MTHFD1: variants seen among roughly 807,000 people sequenced by gnomAD.
The protein encoded by MTHFD1 is methylenetetrahydrofolate dehydrogenase, cyclohydrolase and formyltetrahydrofolate synthetase 1.
A neutral mutation model predicts 110.3 loss-of-function variants in MTHFD1; 44 were observed. The ratio of observed to expected loss-of-function variants is 0.40; its 90% confidence interval spans 0.31 to 0.51. MTHFD1 has a LOEUF of 0.51. Ranked by LOEUF, MTHFD1 falls within the 20% of genes least tolerant of loss-of-function variation. The pLI, the probability that MTHFD1 is intolerant of heterozygous loss-of-function variation, is 0.60. For missense variants in MTHFD1, 909 were observed against 1,173.1 expected, an observed-to-expected ratio of 0.77 and a Z score of 3.29; for synonymous variants, 402 against 428.8, an observed-to-expected ratio of 0.94 and a Z score of 0.77.
At chr14:64,418,443 C>A (rs2078042504) in intron 7 of MTHFD1, among the ~76,000 whole-genome samples, 1 of 85,924 alleles carries the variant, frequency 1.2e-5, no homozygotes, top group Non-Finnish European at 2.3e-5. Context: ...AGAGCAAGAC[C>A]CTGTCTCAAA....
intron 23 of MTHFD1, chr14:64,449,010 A>G: frequency 3.4e-6 from 1 of 296,338 alleles, no homozygotes; most frequent in South Asian, 3.3e-5. Flanking sequence ...CGTGTTAGCC[A>G]GGATGGTCTC....
intron 15 of MTHFD1, 97 bp from the exon 16 acceptor site, chr14:64,435,472 G>A (rs2078198995): frequency 1.3e-6 from 1 of 785,396 alleles, no homozygotes; most frequent in African/African-American, 1.7e-5. Flanking sequence ...ATTTCCTAGA[G>A]GGGATCCCAT....
chr14:64,429,330 G>T (rs1183679340), intron 12 of MTHFD1, among the ~76,000 whole-genome samples: 1 of 133,080 alleles, frequency 7.5e-6, no homozygotes, highest in East Asian at 2.1e-4. Context: ...TTGTTTGTTT[G>T]TTTTTTTTGA....
At chr14:64,432,765 T>C (rs2078170022) in intron 15 of MTHFD1, among the ~76,000 whole-genome samples, 1 of 152,214 alleles carries the variant, frequency 6.6e-6, no homozygotes, top group African/African-American at 2.4e-5. Context: ...GTTTTTTGTT[T>C]TCTTTTTTGA....
chr14:64,396,038 T>G (rs964531402), intron 1 of MTHFD1, among the ~76,000 whole-genome samples: 1 of 152,214 alleles, frequency 6.6e-6, no homozygotes, highest in African/African-American at 2.4e-5. Context: ...TTATAAACTT[T>G]CAATGAAGCA....
In MTHFD1 at chr14:64,421,741, C is replaced by T. The variant is rs533655907; in HGVS notation, c.727+1816C>T. 8.5e-5 allele frequency among the ~76,000 whole-genome samples: 13 copies of T among 152,144 alleles called. 1 individual carries two copies. Among genetic ancestry groups the T allele is most frequent in the Admixed American group, 3.3e-4 (5 of 15,282 alleles). Reference sequence around the variant, plus strand: ...CGGGTTCATGCCATTCTCCCGCCTCCGCCTCCCGAGTAGCTGGGACTACAG... The same window carrying T: ...CGGGTTCATGCCATTCTCCCGCCTCTGCCTCCCGAGTAGCTGGGACTACAG... On this transcript the variant is annotated intron_variant, in intron 8 of 27. Coordinates refer to ENST00000652337, the MANE Select transcript of MTHFD1 (RefSeq NM_005956.4).
At chr14:64,401,628 G>A (rs1229620434) in intron 2 of MTHFD1, among the ~76,000 whole-genome samples, 4 of 151,654 alleles carry the variant, frequency 2.6e-5, no homozygotes, top group Non-Finnish European at 5.9e-5. Flanking sequence ...ACTTGAACCC[G>A]GGAGGTGGAG....
At chr14:64,428,136 G>T (rs551781324) in intron 12 of MTHFD1, among the ~76,000 whole-genome samples, 2 of 132,934 alleles carry the variant, frequency 1.5e-5, no homozygotes, top group East Asian at 4.3e-4. Flanking sequence ...TTGAGACAGG[G>T]TCTCACTCAC....
Position 64,439,411 on chromosome 14 carries a change from A to G in MTHFD1, c.1674+239A>G, listed in dbSNP as rs190093048. ...TTTTTTCCTGGAGGTGGAGAGCCCC[A>G]AGTGAATATCCTTGCATAGAAATTG... On this transcript the variant is annotated intron_variant, in intron 17 of 27. Coordinates refer to ENST00000652337, the MANE Select transcript of MTHFD1 (RefSeq NM_005956.4). The G allele has an allele frequency of 4.8e-4, 275 of 568,362 alleles. 5 individuals are homozygous for G. In the East Asian group the frequency reaches 7.6e-3, roughly 16 times the overall value. 35.2% of individuals were successfully genotyped at this position (568,362 alleles called of 1,614,324 possible). A position where few individuals can be genotyped will look rare whatever the true frequency, so the allele number is the denominator to read the frequency against.
intron 1 of MTHFD1, 147 bp downstream of exon 1, chr14:64,388,615 G>A: frequency 1.3e-6 from 1 of 769,456 alleles, no homozygotes; most frequent in Non-Finnish European, 2.3e-6. Flanking sequence ...GCCAAAGAAA[G>A]AGAACCCGGG....
At chr14:64,442,955 G>GAATTCCTACTGCTTAGA (rs1466280228) in intron 21 of MTHFD1, among the ~76,000 whole-genome samples, 15 of 152,122 alleles carry the variant, frequency 9.9e-5, no homozygotes, top group Non-Finnish European at 1.8e-4. Flanking sequence ...GTATTTCTCT[G>GAATTCCTACTGCTTAGA]AATTCCTACT....
At chr14:64,431,071 TTTTTC>T (rs1210135619) in intron 13 of MTHFD1, among the ~76,000 whole-genome samples, 10 of 147,852 alleles carry the variant, frequency 6.8e-5, no homozygotes, top group African/African-American at 2.4e-4. Flanking sequence ...TTTCTTTTTC[TTTTTC>T]TTTTTTTTTT....
At chr14:64,427,814 C>G (rs1330207134) in intron 12 of MTHFD1, among the ~76,000 whole-genome samples, 7 of 152,170 alleles carry the variant, frequency 4.6e-5, no homozygotes, top group Non-Finnish European at 1.0e-4. Flanking sequence ...ATGACAAACC[C>G]CACAGATGTT....
In MTHFD1 at chr14:64,458,785, T is replaced by C. The variant is rs945420534; in HGVS notation, c.*4+478T>C. 15 of 202,256 alleles carry C rather than the reference T, an allele frequency of 7.4e-5. No individual in the cohort carries two copies. The Admixed American group carries it at 7.9e-4, about 11-fold the overall frequency. 12.5% of individuals were successfully genotyped at this position (202,256 alleles called of 1,614,324 possible). A position where few individuals can be genotyped will look rare whatever the true frequency, so the allele number is the denominator to read the frequency against. On this transcript the variant is annotated intron_variant, in intron 27 of 27. Coordinates refer to ENST00000652337, the MANE Select transcript of MTHFD1 (RefSeq NM_005956.4). The stretch of plus-strand genomic sequence containing the variant: ...ACCAATCTGGCAGTTCTTAGGGCCT[T>C]AGGTGAAAGGGCCCTGAGTACCGAC...
At chr14:64,398,698 G>A (rs1305731061) in intron 1 of MTHFD1, among the ~76,000 whole-genome samples, 1 of 152,152 alleles carries the variant, frequency 6.6e-6, no homozygotes, top group Non-Finnish European at 1.5e-5. Flanking sequence ...AGTTTTTTGT[G>A]ACGTGTGGAG....
chr14:64,414,143 C>A (rs780667501), intron 4 of MTHFD1, among the ~76,000 whole-genome samples: 1 of 151,862 alleles, frequency 6.6e-6, no homozygotes, highest in South Asian at 2.1e-4. Context: ...TACAGGCATG[C>A]GCCACCACGC....
chr14:64,459,907 T>C lies in MTHFD1; in HGVS notation c.*153T>C. 1 of 1,535,832 alleles carries C rather than the reference T, an allele frequency of 6.5e-7. No homozygotes were observed. Among genetic ancestry groups the C allele is most frequent in the Non-Finnish European group, 8.7e-7 (1 of 1,146,696 alleles). On this transcript the variant is annotated 3_prime_UTR_variant, in exon 28 of 28. Coordinates refer to ENST00000652337, the MANE Select transcript of MTHFD1 (RefSeq NM_005956.4). Reference sequence around the variant, plus strand: ...ATAGTAGGAGTTTCCCCAGAAGTCATTTTCAGCCTTAATTCTCATCATGTA... The same window carrying C: ...ATAGTAGGAGTTTCCCCAGAAGTCACTTTCAGCCTTAATTCTCATCATGTA...
At chr14:64,449,782 T>G in intron 24 of MTHFD1, 160 bp downstream of exon 24, 1 of 822,944 alleles carries the variant, frequency 1.2e-6, no homozygotes, top group Non-Finnish European at 2.0e-6. Context: ...GACTCCCAGC[T>G]GTAGACAGCC....
At chr14:64,408,165 C>T (rs2140950966) in intron 2 of MTHFD1, among the ~76,000 whole-genome samples, 1 of 152,154 alleles carries the variant, frequency 6.6e-6, no homozygotes, top group East Asian at 1.9e-4. Context: ...ACACCGTCTG[C>T]CCCTCTACAG....
Sources: allele counts gnomAD v4.1 joint callset (sites outside exome capture counted in the v4.1 genomes callset), GRCh38; gene constraint gnomAD v4.1.1; transcripts MANE v1.5; gene names NCBI Gene and HGNC (gene_info 2026-07-23, HGNC 2026-07-21).